RNF216: variants seen among roughly 807,000 people sequenced by gnomAD.
RNF216 encodes the protein ring finger protein 216, also known as E3 ubiquitin-protein ligase RNF216.
In RNF216, 72 loss-of-function variants were observed where a neutral mutation model predicts 110.8. That is an observed-to-expected ratio of 0.65 (90% CI 0.54 to 0.79). RNF216 has a LOEUF of 0.79. RNF216 is among the 30% of genes least tolerant of loss of function. RNF216 has a pLI of 0.00. For missense variants in RNF216, 1,342 were observed against 1,141.2 expected (o/e 1.18, Z -2.54); for synonymous variants, 495 against 407.5 (o/e 1.21, Z -2.59).
chr7:5,767,964 A>T (rs1344145511), intron 1 of RNF216, among the ~76,000 whole-genome samples: 1 of 152,146 alleles, frequency 6.6e-6, no homozygotes, highest in African/African-American at 2.4e-5. Context: ...CTGAGCTTTC[A>T]TCTAAGATCC....
chr7:5,732,751 G>A (rs1429236786), intron 5 of RNF216, among the ~76,000 whole-genome samples: 1 of 152,232 alleles, frequency 6.6e-6, no homozygotes, highest in Non-Finnish European at 1.5e-5. Flanking sequence ...GGCAAAAGCA[G>A]TGGGGAAGCC....
At chr7:5,770,368 G>A (rs1004129917) in intron 1 of RNF216, among the ~76,000 whole-genome samples, 16 of 151,958 alleles carry the variant, frequency 1.1e-4, no homozygotes, top group African/African-American at 3.6e-4. Flanking sequence ...GGCTGAGGCA[G>A]GAGAATCACT....
At chr7:5,663,282 T>TA (rs979276318) in intron 13 of RNF216, among the ~76,000 whole-genome samples, 1 of 151,688 alleles carries the variant, frequency 6.6e-6, no homozygotes, top group Non-Finnish European at 1.5e-5. Flanking sequence ...ATTCATCCAA[T>TA]AAAAAAAAGT....
intron 9 of RNF216, among the ~76,000 whole-genome samples, chr7:5,718,883 TC>T (rs1483455396): frequency 2.0e-5 from 3 of 152,144 alleles, no homozygotes; most frequent in Non-Finnish European, 4.4e-5. Context: ...AGTCTTGAAC[TC>T]CTGGCCTCAA....
intron 2 of RNF216, chr7:5,760,421 C>T (rs1584593134): frequency 5.4e-6 from 2 of 369,056 alleles, no homozygotes; most frequent in Admixed American, 3.1e-5. Flanking sequence ...GAGGCTCAGA[C>T]CGGAGAATCA....
At chr7:5,639,706 C>T (rs373834108) in intron 15 of RNF216, among the ~76,000 whole-genome samples, 50 of 152,106 alleles carry the variant, frequency 3.3e-4, no homozygotes, top group African/African-American at 1.0e-3. Flanking sequence ...GTGATCCACC[C>T]GCCTTGGTTT....
chr7:5,770,623 T>C (rs552003508), intron 1 of RNF216, among the ~76,000 whole-genome samples: 2 of 152,112 alleles, frequency 1.3e-5, no homozygotes, highest in South Asian at 4.2e-4. Flanking sequence ...AATAGATATA[T>C]ACTAGATGAC....
chr7:5,723,504 G>A (rs1374855785), intron 8 of RNF216, among the ~76,000 whole-genome samples: 10 of 151,944 alleles, frequency 6.6e-5, no homozygotes, highest in South Asian at 2.1e-4. Context: ...AAAATTAGCC[G>A]GACTCGGTGG....
intron 15 of RNF216, among the ~76,000 whole-genome samples, chr7:5,626,467 G>A (rs1014037458): frequency 2.7e-5 from 4 of 150,730 alleles, no homozygotes; most frequent in Non-Finnish European, 5.9e-5. Context: ...CAAATTAAGC[G>A]AACTGATCCA....
At chr7:5,651,465 C>G (rs1208936591) in intron 14 of RNF216, among the ~76,000 whole-genome samples, 1 of 152,054 alleles carries the variant, frequency 6.6e-6, no homozygotes, top group African/African-American at 2.4e-5. Flanking sequence ...TTCGTGAGCT[C>G]AAGCGATCTA....
intron 5 of RNF216, among the ~76,000 whole-genome samples, chr7:5,735,794 T>C (rs1166087015): frequency 7.9e-5 from 12 of 152,082 alleles, no homozygotes; most frequent in African/African-American, 2.9e-4. Flanking sequence ...TTAAGTAAAA[T>C]TGATAAAGAT....
At chr7:5,632,948 G>A (rs1046442571) in intron 15 of RNF216, among the ~76,000 whole-genome samples, 3 of 152,194 alleles carry the variant, frequency 2.0e-5, no homozygotes, top group East Asian at 1.9e-4. Context: ...AGAGTGAAAC[G>A]GGAGTCTCAC....
chr7:5,646,146 A>G (rs1227011810), intron 14 of RNF216, among the ~76,000 whole-genome samples: 1 of 152,184 alleles, frequency 6.6e-6, no homozygotes, highest in Non-Finnish European at 1.5e-5. Context: ...TTATACTGAG[A>G]AGAGTCTAGA....
chr7:5,710,401 G>C (rs926893962), intron 13 of RNF216, among the ~76,000 whole-genome samples: 1 of 151,028 alleles, frequency 6.6e-6, no homozygotes, highest in African/African-American at 2.4e-5. Flanking sequence ...CGTCCTCAGA[G>C]AATAATGGTC....
In RNF216 at chr7:5,776,941, AGAG is replaced by A. The variant is rs1307866089; in HGVS notation, c.-70+4597_-70+4599del. On this transcript the variant is annotated intron_variant, in intron 1 of 16. Coordinates refer to ENST00000389902, the MANE Select transcript of RNF216 (RefSeq NM_207111.4). Reference sequence around the variant, plus strand: ...AAGAGAGAGAGAAAAAGAGAGAGAGAGAGAAAAAAAGAAAGAAAGAAAGAAAAA... The same window carrying A: ...AAGAGAGAGAGAAAAAGAGAGAGAGAAAAAAAAGAAAGAAAGAAAGAAAAA... Among the ~76,000 whole-genome samples the A allele has an allele frequency of 1.4e-4, 18 of 126,006 alleles. No homozygotes were observed. In the East Asian group the frequency reaches 2.7e-3, roughly 19 times the overall value. The allele number at this position is 126,006 out of a possible 152,430, so 82.7% of individuals were successfully genotyped here.
chr7:5,646,422 C>T (rs1584369669), intron 14 of RNF216, among the ~76,000 whole-genome samples: 1 of 151,504 alleles, frequency 6.6e-6, no homozygotes. Context: ...GGCCAGGTGC[C>T]GTGGCTCACA....
chr7:5,678,102 G>A (rs905381280), intron 13 of RNF216, among the ~76,000 whole-genome samples: 1 of 151,962 alleles, frequency 6.6e-6, no homozygotes, highest in Non-Finnish European at 1.5e-5. Context: ...AATGCCTGAC[G>A]CCCCACTGTG....
chr7:5,780,335 G>C (rs551832874), intron 1 of RNF216: 309 of 152,206 alleles, frequency 2.0e-3, no homozygotes, highest in African/African-American at 7.1e-3. Flanking sequence ...CACCCTCTAC[G>C]TCACAGTGCT....
At chr7:5,638,633 A>ATTT (rs34089106) in intron 15 of RNF216, among the ~76,000 whole-genome samples, 13 of 139,324 alleles carry the variant, frequency 9.3e-5, no homozygotes, top group African/African-American at 2.4e-4. Context: ...AAAAGCAAGC[A>ATTT]TTTTTTTTTT....
Sources: gnomAD v4.1 joint callset for allele counts (sites outside exome capture counted in the v4.1 genomes callset) on GRCh38, gnomAD v4.1.1 for gene constraint, MANE v1.5 for transcripts, NCBI Gene and HGNC (gene_info 2026-07-23, HGNC 2026-07-21) for gene names.